CCSER1: variants seen among roughly 807,000 people sequenced by gnomAD.
CCSER1 encodes the protein serine-rich coiled-coil domain-containing protein 1.
CCSER1 carries 41 observed loss-of-function variants against 82.0 expected under a neutral mutation model. The observed-to-expected ratio is 0.50, with a 90% CI of 0.39 to 0.65. The LOEUF (loss-of-function observed/expected upper bound fraction) is 0.65. Among genes scored for constraint, CCSER1 ranks in the 30% least tolerant of loss-of-function variants. CCSER1 has a pLI of 0.00. For missense variants in CCSER1, 1,119 were observed against 1,064.2 expected (o/e 1.05, Z -0.72); for synonymous variants, 414 against 383.9 (o/e 1.08, Z -0.92).
At chr4:90,287,887 G>A (rs997795897) in intron 1 of CCSER1, among the ~76,000 whole-genome samples, 1 of 151,634 alleles carries the variant, frequency 6.6e-6, no homozygotes, top group African/African-American at 2.4e-5. Context: ...ATTTTGAGTA[G>A]TATTTCTTCT....
intron 7 of CCSER1, among the ~76,000 whole-genome samples, chr4:90,748,363 A>G (rs1336689304): frequency 6.6e-6 from 1 of 151,128 alleles, no homozygotes; most frequent in Admixed American, 6.6e-5. Context: ...AAAGGACATG[A>G]ACTCATCATT....
intron 10 of CCSER1, among the ~76,000 whole-genome samples, chr4:91,428,510 C>A (rs1754118936): frequency 6.6e-6 from 1 of 152,002 alleles, no homozygotes; most frequent in Non-Finnish European, 1.5e-5. Flanking sequence ...AGACTATGAT[C>A]TTCAGAGAGT....
intron 3 of CCSER1, among the ~76,000 whole-genome samples, chr4:90,340,395 CT>C (rs1182527074): frequency 1.3e-5 from 2 of 152,064 alleles, no homozygotes; most frequent in Non-Finnish European, 2.9e-5. Context: ...TAATGAGAGA[CT>C]TTTGTTTTCT....
chr4:90,545,592 T>G (rs1270176807), intron 5 of CCSER1, among the ~76,000 whole-genome samples: 1 of 152,048 alleles, frequency 6.6e-6, no homozygotes, highest in African/African-American at 2.4e-5. Context: ...TTCCTATTAA[T>G]ACACTTATAT....
At chr4:91,323,418 C>G (rs1326125734) in intron 10 of CCSER1, among the ~76,000 whole-genome samples, 1 of 151,918 alleles carries the variant, frequency 6.6e-6, no homozygotes, top group African/African-American at 2.4e-5. Flanking sequence ...ATTCTGATGC[C>G]CTATTACTTT....
chr4:90,973,180 A>G (rs539821329), intron 9 of CCSER1, among the ~76,000 whole-genome samples: 1 of 151,852 alleles, frequency 6.6e-6, no homozygotes, highest in South Asian at 2.1e-4. Flanking sequence ...CATCACAGCA[A>G]AAAGTTTGTG....
intron 10 of CCSER1, among the ~76,000 whole-genome samples, chr4:91,538,408 T>C (rs187885861): frequency 1.4e-3 from 213 of 151,780 alleles, no homozygotes; most frequent in African/African-American, 4.9e-3. Context: ...TCTGAAACAG[T>C]TAAAAATAAA....
rs569109771 is a variant in CCSER1, at chr4:91,194,053, CCT to C, written c.2217+108060_2217+108061del. ...GGCATGATCTCAGCTCACTGCAACC[CCT>C]GTCTCCCGAATCCAAGTGATTCTCC... On this transcript the variant is annotated intron_variant, in intron 10 of 10. Coordinates refer to ENST00000509176, the MANE Select transcript of CCSER1 (RefSeq NM_001145065.2). Among the ~76,000 whole-genome samples, 137 of 152,140 alleles carry C rather than the reference CCT, an allele frequency of 9.0e-4. 2 individuals carry two copies. In the South Asian group the frequency reaches 0.027, roughly 30 times the overall value.
chr4:90,827,952 G>C (rs1480376221), intron 8 of CCSER1, among the ~76,000 whole-genome samples: 1 of 152,096 alleles, frequency 6.6e-6, no homozygotes, highest in Non-Finnish European at 1.5e-5. Flanking sequence ...ATTTATAGGA[G>C]AGTAAATGGT....
At chr4:90,278,736 A>G (rs548141568) in intron 1 of CCSER1, among the ~76,000 whole-genome samples, 1 of 152,150 alleles carries the variant, frequency 6.6e-6, no homozygotes, top group South Asian at 2.1e-4. Context: ...TATGCTCACT[A>G]CCTGGGTCAC....
intron 10 of CCSER1, among the ~76,000 whole-genome samples, chr4:91,302,664 T>G (rs1409912828): frequency 6.6e-6 from 1 of 152,050 alleles, no homozygotes; most frequent in Non-Finnish European, 1.5e-5. Context: ...ATTATTCTAG[T>G]GTGGCCTTTA....
At chr4:91,230,263 A>G (rs1738521687) in intron 10 of CCSER1, among the ~76,000 whole-genome samples, 2 of 152,080 alleles carry the variant, frequency 1.3e-5, no homozygotes, top group African/African-American at 4.8e-5. Flanking sequence ...ATTATAAAAT[A>G]CTCATAAATA....
intron 10 of CCSER1, among the ~76,000 whole-genome samples, chr4:91,212,597 AT>A (rs1473815474): frequency 6.6e-6 from 1 of 152,188 alleles, no homozygotes; most frequent in African/African-American, 2.4e-5. Flanking sequence ...GGAAAGAAGC[AT>A]TCCAGTTCTA....
intron 1 of CCSER1, among the ~76,000 whole-genome samples, chr4:90,153,425 G>T (rs1323277959): frequency 6.6e-6 from 1 of 152,002 alleles, no homozygotes; most frequent in African/African-American, 2.4e-5. Context: ...TGGGTCAAAT[G>T]GTATTTCTAG....
At chr4:91,159,119 A>T (rs1731115778) in intron 10 of CCSER1, among the ~76,000 whole-genome samples, 1 of 151,914 alleles carries the variant, frequency 6.6e-6, no homozygotes, top group Admixed American at 6.6e-5. Context: ...TTGAGATGTT[A>T]CTAACATGCC....
intron 10 of CCSER1, among the ~76,000 whole-genome samples, chr4:91,155,875 G>T (rs1730766852): frequency 6.6e-6 from 1 of 151,782 alleles, no homozygotes; most frequent in Non-Finnish European, 1.5e-5. Flanking sequence ...ACCATATTTG[G>T]TTAGAATCAT....
intron 1 of CCSER1, among the ~76,000 whole-genome samples, chr4:90,189,405 C>T (rs1735207450): frequency 6.6e-6 from 1 of 151,900 alleles, no homozygotes; most frequent in African/African-American, 2.4e-5. Context: ...CCTCAGATGA[C>T]CTCTCAGTGC....
At chr4:91,199,881 T>C (rs1164385506) in intron 10 of CCSER1, among the ~76,000 whole-genome samples, 2 of 152,010 alleles carry the variant, frequency 1.3e-5, no homozygotes, top group African/African-American at 2.4e-5. Flanking sequence ...TTAAGATAAT[T>C]TACCATGCTA....
At chr4:90,540,406 T>A (rs1281179857) in intron 5 of CCSER1, among the ~76,000 whole-genome samples, 1 of 152,098 alleles carries the variant, frequency 6.6e-6, no homozygotes, top group Admixed American at 6.6e-5. Context: ...AGAGGTAAGA[T>A]CTGCATTTTT....
Sources: allele counts gnomAD v4.1 joint callset (sites outside exome capture counted in the v4.1 genomes callset), GRCh38; gene constraint gnomAD v4.1.1; transcripts MANE v1.5; gene names NCBI Gene and HGNC (gene_info 2026-07-23, HGNC 2026-07-21).